SH3BGRL: variants seen among roughly 807,000 people sequenced by gnomAD.
SH3BGRL encodes adapter SH3BGRL.
In SH3BGRL, 7 loss-of-function variants were observed where a neutral mutation model predicts 9.8. The observed-to-expected ratio is 0.72, with a 90% CI of 0.41 to 1.35. The LOEUF is 1.35. SH3BGRL is among the 40% of genes most tolerant of loss of function. SH3BGRL has a pLI of 0.01. For synonymous variants in SH3BGRL, 36 were observed against 29.1 expected, an observed-to-expected ratio of 1.24 and a Z score of -0.76; for missense variants, 73 against 84.4, an observed-to-expected ratio of 0.86 and a Z score of 0.53.
intron 3 of SH3BGRL, among the ~76,000 whole-genome samples, chrX:81,296,873 A>G (rs1000167202): frequency 7.2e-5 from 8 of 111,726 alleles, no homozygotes; most frequent in African/African-American, 2.0e-4. Flanking sequence ...CCATGTTTTT[A>G]TATTCTCAAT....
chrX:81,219,391 G>A lies in SH3BGRL; in HGVS notation c.45+17146G>A, dbSNP rs1382804821. ...TTATGTTTGTGACTACTGTGAATGG[G>A]ATTACTTTCTTGATTTCTTTCTCAG... On this transcript the variant is annotated intron_variant, in intron 1 of 3. Transcript: ENST00000373212. Among the ~76,000 whole-genome samples the A allele has an allele frequency of 2.7e-5, 3 of 110,304 alleles. No homozygotes were observed. In the Admixed American group the frequency reaches 2.9e-4, roughly 11 times the overall value.
chrX:81,214,608 C>G (rs1538351), intron 1 of SH3BGRL, among the ~76,000 whole-genome samples: 24,676 of 110,466 alleles, frequency 0.22, 2,225 homozygotes, highest in East Asian at 0.69. Flanking sequence ...GTGACAGAGA[C>G]AGAACATGAA....
intron 1 of SH3BGRL, among the ~76,000 whole-genome samples, chrX:81,261,316 T>G (rs967992984): frequency 9.0e-6 from 1 of 111,576 alleles, no homozygotes; most frequent in African/African-American, 3.3e-5. Context: ...AACTATTCAA[T>G]GAAATAATAT....
At chrX:81,278,036 C>G (rs1032808581) in intron 2 of SH3BGRL, among the ~76,000 whole-genome samples, 2 of 111,655 alleles carry the variant, frequency 1.8e-5, no homozygotes, top group African/African-American at 6.5e-5. Context: ...GATCTTGGCT[C>G]ACTGCAACCT....
chrX:81,263,231 T>A (rs1361710442), intron 1 of SH3BGRL, among the ~76,000 whole-genome samples: 1 of 111,300 alleles, frequency 9.0e-6, no homozygotes, highest in Non-Finnish European at 1.9e-5. Flanking sequence ...TGATCTGATC[T>A]GGGAGAGAGG....
intron 1 of SH3BGRL, among the ~76,000 whole-genome samples, chrX:81,253,694 C>T (rs148590055): frequency 8.0e-5 from 9 of 112,387 alleles, no homozygotes; most frequent in Non-Finnish European, 1.7e-4. Flanking sequence ...AAGAGCTGGA[C>T]ACTTTATAAT....
Position 81,285,185 on chromosome X carries a change from C to T in SH3BGRL, c.312+6774C>T, listed in dbSNP as rs780857868. 5.4e-5 allele frequency among the ~76,000 whole-genome samples: 6 copies of T among 111,093 alleles called. 1 individual carries two copies. Among genetic ancestry groups the T allele is most frequent in the Admixed American group, 9.5e-5 (1 of 10,480 alleles). ...CTTTAACAGGATAATAAGCCTTCAA[C>T]AAAGAACCAGATGAACAGAAAGTAT... On this transcript the variant is annotated intron_variant, in intron 3 of 3. Transcript: ENST00000373212.
Position 81,291,484 on chromosome X carries a change from A to T in SH3BGRL, c.313-5711A>T, listed in dbSNP as rs143815013. Among the ~76,000 whole-genome samples, 349 of 111,806 alleles carry T rather than the reference A, an allele frequency of 3.1e-3. 2 individuals carry two copies. Among genetic ancestry groups the T allele is most frequent in the African/African-American group, 0.011 (332 of 30,722 alleles). On this transcript the variant is annotated intron_variant, in intron 3 of 3. Transcript: ENST00000373212. ...CAGCTCTCACCAGGCCCCTCCTCCA[A>T]CAATGAGAATTACAATTTGACATGA...
At position 81,278,390 on chromosome X, in the gene SH3BGRL, G is replaced by A. The variant is rs778032365; in HGVS notation, c.291G>A (p.Leu97=). The change falls in exon 3 of 4, where the codon TTG becomes TTA. Residue 97 remains leucine, a synonymous_variant. Transcript: ENST00000373212. ...ENNAVYAFLG[L]TAPPGSKEAE... ...ATGCAGTGTATGCCTTCTTAGGCTT[G>A]ACAGCCCCACCTGGTTCAAAGGTAT... 8.4e-7 allele frequency: 1 copy of A among 1,188,927 alleles called. No individual in the cohort carries two copies. Among genetic ancestry groups the A allele is most frequent in the South Asian group, 1.8e-5 (1 of 54,991 alleles).
chrX:81,252,724 C>T (rs1440436739), intron 1 of SH3BGRL, among the ~76,000 whole-genome samples: 3 of 112,315 alleles, frequency 2.7e-5, no homozygotes, highest in Non-Finnish European at 5.6e-5. Context: ...CTTGGGTCCC[C>T]GGTTGGACTA....
At chrX:81,282,579 A>G (rs1220814236) in intron 3 of SH3BGRL, among the ~76,000 whole-genome samples, 3 of 112,278 alleles carry the variant, frequency 2.7e-5, no homozygotes, top group South Asian at 3.7e-4. Flanking sequence ...CTGAATGAGC[A>G]TTGGGTTAAA....
At chrX:81,267,361 A>T (rs2075760918) in intron 1 of SH3BGRL, among the ~76,000 whole-genome samples, 1 of 111,573 alleles carries the variant, frequency 9.0e-6, no homozygotes, top group Non-Finnish European at 1.9e-5. Flanking sequence ...AATAGCTCCT[A>T]TTATGTTGAG....
chrX:81,267,509 T>C (rs1437898351), intron 1 of SH3BGRL, among the ~76,000 whole-genome samples: 1 of 111,885 alleles, frequency 8.9e-6, no homozygotes. Flanking sequence ...TGGATTACGT[T>C]TATTGATTTC....
chrX:81,292,694 T>C (rs1208576305), intron 3 of SH3BGRL, among the ~76,000 whole-genome samples: 1 of 112,389 alleles, frequency 8.9e-6, no homozygotes, highest in Non-Finnish European at 1.9e-5. Flanking sequence ...GCTTCCCTTT[T>C]CAATGTAAGA....
In SH3BGRL at chrX:81,234,707, A is replaced by G. The variant is rs765451320; in HGVS notation, c.45+32462A>G. Reference sequence around the variant, plus strand: ...AATCATTAAGGCTCTCTGGGTCTTGAGACATATGAATTCTTCACCTTGATT... The same window carrying G: ...AATCATTAAGGCTCTCTGGGTCTTGGGACATATGAATTCTTCACCTTGATT... On this transcript the variant is annotated intron_variant, in intron 1 of 3. Coordinates refer to ENST00000373212, the MANE Select transcript of SH3BGRL (RefSeq NM_003022.3). Among the ~76,000 whole-genome samples, 15 of 112,046 alleles carry G rather than the reference A, an allele frequency of 1.3e-4. No homozygotes were observed. In the South Asian group the frequency reaches 5.5e-3, roughly 41 times the overall value.
rs923564327 is a variant in SH3BGRL, at chrX:81,239,959, G to A, written c.46-37025G>A. Among the ~76,000 whole-genome samples, 8 of 111,931 alleles carry A rather than the reference G, an allele frequency of 7.1e-5. No homozygotes were observed. The East Asian group carries it at 8.4e-4, about 12-fold the overall frequency. On this transcript the variant is annotated intron_variant, in intron 1 of 3. Coordinates refer to ENST00000373212, the MANE Select transcript of SH3BGRL (RefSeq NM_003022.3). The stretch of plus-strand genomic sequence containing the variant: ...AACTTGAAGGAGAAATATTTTCCCC[G>A]ACAAACAAAAGCTGAGGGTTTTCAT...
chrX:81,282,420 T>G (rs2075820620), intron 3 of SH3BGRL, among the ~76,000 whole-genome samples: 1 of 111,896 alleles, frequency 8.9e-6, no homozygotes, highest in African/African-American at 3.2e-5. Context: ...ATAGACCATA[T>G]GATAGGCCAT....
intron 1 of SH3BGRL, among the ~76,000 whole-genome samples, chrX:81,244,314 G>A (rs2075681416): frequency 9.0e-6 from 1 of 111,618 alleles, no homozygotes; most frequent in Non-Finnish European, 1.9e-5. Context: ...ATCAGTTATA[G>A]GGCTGTAATT....
chrX:81,232,611 C>G lies in SH3BGRL; in HGVS notation c.45+30366C>G, dbSNP rs774782393. On this transcript the variant is annotated intron_variant, in intron 1 of 3. Coordinates refer to ENST00000373212, the MANE Select transcript of SH3BGRL (RefSeq NM_003022.3). ...TCTCATGCCTTCTCTCTCACTCTCT[C>G]TCTCTCACTCTTGCATGCCAAATCA... is the stretch of plus-strand genomic sequence containing the variant. Among the ~76,000 whole-genome samples the G allele has an allele frequency of 9.0e-5, 10 of 110,925 alleles. No individual in the cohort carries two copies. In the South Asian group the frequency reaches 3.1e-3, roughly 34 times the overall value.
Sources: allele counts gnomAD v4.1 joint callset (sites outside exome capture counted in the v4.1 genomes callset), GRCh38; gene constraint gnomAD v4.1.1; transcripts MANE v1.5; gene names NCBI Gene and HGNC (gene_info 2026-07-23, HGNC 2026-07-21).